ZBTB32: variants seen among roughly 807,000 people sequenced by gnomAD.
ZBTB32 encodes the protein zinc finger and BTB domain containing 32, also known as zinc finger and BTB domain-containing protein 32.
Under a neutral mutation model 45.3 loss-of-function variants are expected in ZBTB32, and 28 were observed. That is an observed-to-expected ratio of 0.62 (90% CI 0.46 to 0.85). The LOEUF is 0.85. ZBTB32 is among the 40% of genes least tolerant of loss of function. ZBTB32 has a pLI of 0.00. For missense variants in ZBTB32, 587 were observed against 624.4 expected, an observed-to-expected ratio of 0.94 and a Z score of 0.64; for synonymous variants, 283 against 255.7, an observed-to-expected ratio of 1.11 and a Z score of -1.02.
intron 1 of ZBTB32, among the ~76,000 whole-genome samples, chr19:35,708,330 C>A (rs1325910534): frequency 1.3e-5 from 2 of 152,140 alleles, no homozygotes; most frequent in Non-Finnish European, 2.9e-5. Flanking sequence ...GTGCTGAGTT[C>A]TCAGAGCATG....
rs1475860102 is a variant in ZBTB32 at position 35,707,838 on chromosome 19, CG to C, written c.-222+3218del. On this transcript the variant is annotated intron_variant, in intron 1 of 6. Transcript: ENST00000392197. The stretch of plus-strand genomic sequence containing the variant: ...CTCTACTAAAAATACAAAAATTAGC[CG>C]GGTGTCGTGGTGCGTGCCTGTAGTC... Among the ~76,000 whole-genome samples, 9 of 151,956 alleles carry C rather than the reference CG, an allele frequency of 5.9e-5. No individual in the cohort carries two copies. The East Asian group carries it at 7.9e-4, about 13-fold the overall frequency.
chr19:35,716,066 G>T, intron 5 of ZBTB32, 59 bp downstream of exon 5: 2 of 1,611,456 alleles, frequency 1.2e-6, no homozygotes, highest in South Asian at 1.1e-5. Flanking sequence ...TTTCCTGCCT[G>T]AATGGTACAG....
chr19:35,715,845 G>T lies in ZBTB32; in HGVS notation c.955+15G>T. 1 of 1,613,442 alleles carries T rather than the reference G, an allele frequency of 6.2e-7. No individual in the cohort carries two copies. The highest frequency in any genetic ancestry group is 1.1e-5 in the South Asian group (1 of 90,990). On this transcript the variant is annotated intron_variant, in intron 4 of 6. Transcript: ENST00000392197. ...CCCTACCCCAGGTAAGCCCCTCGCT[G>T]TCCTGCATACACCTGTAACATGGTG...
At chr19:35,709,220 G>A (rs952266487) in intron 1 of ZBTB32, among the ~76,000 whole-genome samples, 1 of 152,186 alleles carries the variant, frequency 6.6e-6, no homozygotes, top group Non-Finnish European at 1.5e-5. Flanking sequence ...TGTGGAAAGA[G>A]ATGGGTTCAC....
intron 1 of ZBTB32, among the ~76,000 whole-genome samples, chr19:35,705,746 A>C (rs1277655200): frequency 6.6e-6 from 1 of 151,502 alleles, no homozygotes; most frequent in Admixed American, 6.6e-5. Flanking sequence ...CCCTGTCTCT[A>C]CTAAAAATAC....
chr19:35,716,033 C>T, intron 5 of ZBTB32, 26 bp downstream of exon 5: 1 of 1,611,034 alleles, frequency 6.2e-7, no homozygotes, highest in Non-Finnish European at 8.5e-7. Flanking sequence ...GCACTCGTGC[C>T]TCAGCCCCAC....
Position 35,714,822 on chromosome 19 carries a change from A to G in ZBTB32, c.196A>G (p.Ile66Val). ...GGGCCAGTGGGCTCTGGGAGAAGGC[A>G]TCAGCCCTTCTACCTTTGCCCAGCT... ...RRGQWALGEGISPSTFAQLLN... is the reference protein window; with the variant it reads ...RRGQWALGEGVSPSTFAQLLN... The change falls in exon 3 of 7, where the codon ATC becomes GTC. Residue 66 changes from isoleucine to valine, a missense_variant. Ile to Val is a conservative substitution (Grantham distance 29, BLOSUM62 3). Transcript: ENST00000392197. 1 of 1,613,666 alleles carries G rather than the reference A, an allele frequency of 6.2e-7. No homozygotes were observed. The highest frequency in any genetic ancestry group is 8.5e-7 in the Non-Finnish European group (1 of 1,179,766).
intron 1 of ZBTB32, among the ~76,000 whole-genome samples, chr19:35,712,488 A>C (rs535585329): frequency 1.6e-4 from 25 of 152,182 alleles, no homozygotes; most frequent in Admixed American, 3.9e-4. Context: ...GATAAATGAA[A>C]ATTTTGCTAT....
Position 35,716,565 on chromosome 19 carries a change from C to G in ZBTB32, c.1277C>G (p.Ala426Gly). The change falls in exon 7 of 7, where the codon GCT becomes GGT. Residue 426 changes from alanine to glycine, a missense_variant. Coordinates refer to ENST00000392197, the MANE Select transcript of ZBTB32 (RefSeq NM_014383.3). ...MTKHLRTHGA[A>G]PYRCSLCGAG... is the part of the protein sequence containing the mutation. ...AAGCACCTGCGGACACACGGGGCCGCTCCGTACCGCTGCTCCCTGTGCGGG... is the reference window on the plus strand; with the variant it reads ...AAGCACCTGCGGACACACGGGGCCGGTCCGTACCGCTGCTCCCTGTGCGGG... 1 of 1,613,298 alleles carries G rather than the reference C, an allele frequency of 6.2e-7. No homozygotes were observed. The highest frequency in any genetic ancestry group is 1.1e-5 in the South Asian group (1 of 91,058).
chr19:35,706,965 A>G (rs902376826), intron 1 of ZBTB32, among the ~76,000 whole-genome samples: 1 of 152,282 alleles, frequency 6.6e-6, no homozygotes, highest in South Asian at 2.1e-4. Flanking sequence ...GGGCAGCTCA[A>G]TTGGCCATTC....
At chr19:35,713,870 G>A (rs138446699) in intron 2 of ZBTB32, among the ~76,000 whole-genome samples, 6 of 152,194 alleles carry the variant, frequency 3.9e-5, no homozygotes, top group Admixed American at 3.9e-4. Flanking sequence ...TCTCCAAAAG[G>A]TCTCTCCATC....
rs372821981 is a variant in ZBTB32, at chr19:35,716,759, G to A, written c.*7G>A. 125 of 1,596,578 alleles carry A rather than the reference G, an allele frequency of 7.8e-5. No homozygotes were observed. The African/African-American group carries it at 1.5e-3, about 19-fold the overall frequency. On this transcript the variant is annotated 3_prime_UTR_variant, in exon 7 of 7. Transcript: ENST00000392197. ...TTCTTCCTCCACCACCTGACGGGGT[G>A]TCGGTAGCGTCTTAGCCAAGAGTCC...
At chr19:35,716,403 C>A in intron 6 of ZBTB32, 75 bp from the exon 7 acceptor site, 2 of 1,585,096 alleles carry the variant, frequency 1.3e-6, no homozygotes, top group South Asian at 1.1e-5. Flanking sequence ...CCCCGTGGCC[C>A]GATCCACCCC....
In ZBTB32 at chr19:35,709,111, C is replaced by T. The variant is rs78621818; in HGVS notation, c.-221-3806C>T. On this transcript the variant is annotated intron_variant, in intron 1 of 6. Coordinates refer to ENST00000392197, the MANE Select transcript of ZBTB32 (RefSeq NM_014383.3). ...CTGGGATTACAGGTGTGAGCCACTG[C>T]GCCTGGCGAAAGAGTAAACATACTT... 4.0e-3 allele frequency among the ~76,000 whole-genome samples: 605 copies of T among 152,180 alleles called. 32 individuals carry two copies. In the East Asian group the frequency reaches 0.11, roughly 27 times the overall value.
Position 35,716,226 on chromosome 19 carries a change from A to G in ZBTB32, c.1118A>G (p.Tyr373Cys). The change falls in exon 6 of 7, where the codon TAT (tyrosine) becomes TGT (cysteine). Residue 373 changes from tyrosine to cysteine, a missense_variant. Coordinates refer to ENST00000392197, the MANE Select transcript of ZBTB32 (RefSeq NM_014383.3). ...GCCCCTCCTGCTCGGTCTCGGCCCT[A>G]TGCGTGCTCTGTCTGTGGAAAGAGG... Reference protein sequence around the residue: ...PPAPPARSRPYACSVCGKRFS... With the variant: ...PPAPPARSRPCACSVCGKRFS... 1 of 1,613,428 alleles carries G rather than the reference A, an allele frequency of 6.2e-7. No homozygotes were observed.
At chr19:35,713,733 T>C (rs527389940) in intron 2 of ZBTB32, among the ~76,000 whole-genome samples, 15 of 152,350 alleles carry the variant, frequency 9.8e-5, no homozygotes, top group African/African-American at 3.4e-4. Context: ...GGGTGCTGTC[T>C]TTCTATTCTT....
intron 1 of ZBTB32, among the ~76,000 whole-genome samples, chr19:35,705,708 C>T (rs1968521432): frequency 6.7e-6 from 1 of 150,370 alleles, no homozygotes; most frequent in Non-Finnish European, 1.5e-5. Context: ...GTCAGGAGCT[C>T]GAGACCAGCC....
At chr19:35,712,072 C>T (rs1025738511) in intron 1 of ZBTB32, among the ~76,000 whole-genome samples, 2 of 150,700 alleles carry the variant, frequency 1.3e-5, no homozygotes, top group South Asian at 2.1e-4. Flanking sequence ...ATGGGGAAGC[C>T]GACTGTGCCT....
rs183471618 is a variant in ZBTB32, at chr19:35,713,828, C to T, written c.-104-695C>T. 3.9e-5 allele frequency among the ~76,000 whole-genome samples: 6 copies of T among 152,382 alleles called. No individual in the cohort carries two copies. In the South Asian group the frequency reaches 6.2e-4, roughly 16 times the overall value. On this transcript the variant is annotated intron_variant, in intron 2 of 6. Coordinates refer to ENST00000392197, the MANE Select transcript of ZBTB32 (RefSeq NM_014383.3). ...ACAGCCTCCCTGTCTCCAGTCCCCA[C>T]GTCCTTTCCTCCCATCTCCTCAGGA... is the stretch of plus-strand genomic sequence containing the variant.
Sources: gnomAD v4.1 joint callset for allele counts (sites outside exome capture counted in the v4.1 genomes callset) on GRCh38, gnomAD v4.1.1 for gene constraint, MANE v1.5 for transcripts, NCBI Gene and HGNC (gene_info 2026-07-23, HGNC 2026-07-21) for gene names.